ME3: variants seen among roughly 807,000 people sequenced by gnomAD.
The protein encoded by ME3 is NADP-dependent malic enzyme, mitochondrial.
A neutral mutation model predicts 68.9 loss-of-function variants in ME3; 48 were observed. That is an observed-to-expected ratio of 0.70 (90% CI 0.55 to 0.89). The LOEUF is 0.89. Ranked by LOEUF, ME3 falls within the 40% of genes least tolerant of loss-of-function variation. The pLI, the probability that ME3 is intolerant of heterozygous loss-of-function variation, is 0.00. For missense variants in ME3, 675 were observed against 797.4 expected (o/e 0.85, Z 1.85); for synonymous variants, 320 against 318.8 (o/e 1.00, Z -0.04).
intron 2 of ME3, among the ~76,000 whole-genome samples, chr11:86,604,380 G>A (rs531433220): frequency 6.6e-6 from 1 of 152,172 alleles, no homozygotes; most frequent in South Asian, 2.1e-4. Context: ...TCAGATGGTT[G>A]TGGGGTGAGG....
At chr11:86,504,987 AG>A (rs753101250) in intron 5 of ME3, among the ~76,000 whole-genome samples, 75 of 152,214 alleles carry the variant, frequency 4.9e-4, no homozygotes, top group Admixed American at 9.8e-4. Context: ...CACCATGCAC[AG>A]TCTCACTCCT....
intron 8 of ME3, among the ~76,000 whole-genome samples, chr11:86,460,488 A>G (rs950336745): frequency 5.9e-5 from 9 of 152,138 alleles, no homozygotes; most frequent in Non-Finnish European, 1.3e-4. Flanking sequence ...ATTGAATTCT[A>G]TCTATCCACT....
chr11:86,579,066 C>G (rs1262983690), intron 2 of ME3, among the ~76,000 whole-genome samples: 3 of 152,044 alleles, frequency 2.0e-5, no homozygotes, highest in Non-Finnish European at 2.9e-5. Flanking sequence ...ATTCATTTAA[C>G]AAGTATGTTT....
chr11:86,638,296 G>A (rs1944467809), intron 2 of ME3, among the ~76,000 whole-genome samples: 1 of 152,160 alleles, frequency 6.6e-6, no homozygotes, highest in Admixed American at 6.5e-5. Flanking sequence ...TACACACACA[G>A]CACATCCAGG....
intron 4 of ME3, among the ~76,000 whole-genome samples, chr11:86,518,987 G>A (rs576221476): frequency 2.6e-5 from 4 of 152,316 alleles, no homozygotes; most frequent in Admixed American, 2.6e-4. Context: ...GTCAGAGGGA[G>A]CACGACCTGC....
At chr11:86,659,950 C>T (rs1202497177) in intron 2 of ME3, among the ~76,000 whole-genome samples, 1 of 151,990 alleles carries the variant, frequency 6.6e-6, no homozygotes, top group Non-Finnish European at 1.5e-5. Flanking sequence ...TTAGAATATA[C>T]CAAAATGTTG....
At chr11:86,466,423 A>C (rs1950484314) in intron 7 of ME3, among the ~76,000 whole-genome samples, 1 of 152,220 alleles carries the variant, frequency 6.6e-6, no homozygotes. Flanking sequence ...GTGTCAGGGC[A>C]TGTAACAGGT....
intron 6 of ME3, among the ~76,000 whole-genome samples, chr11:86,495,410 C>T (rs1427588649): frequency 6.6e-6 from 1 of 152,166 alleles, no homozygotes; most frequent in African/African-American, 2.4e-5. Context: ...ACAAAGGATC[C>T]CAATGCACCA....
intron 2 of ME3, among the ~76,000 whole-genome samples, chr11:86,573,428 CTTT>C (rs33973657): frequency 7.0e-6 from 1 of 142,970 alleles, no homozygotes. Flanking sequence ...ACATTTTAGT[CTTT>C]TTTTTTTTTT....
intron 2 of ME3, among the ~76,000 whole-genome samples, chr11:86,561,606 A>C (rs935070648): frequency 6.6e-6 from 1 of 152,072 alleles, no homozygotes; most frequent in African/African-American, 2.4e-5. Context: ...GTGAATTCCC[A>C]CTCCAACAAT....
At chr11:86,544,628 T>C (rs549326342) in intron 4 of ME3, among the ~76,000 whole-genome samples, 25 of 152,250 alleles carry the variant, frequency 1.6e-4, no homozygotes, top group Admixed American at 3.3e-4. Context: ...AATCCCTAAA[T>C]AGACCAATAA....
intron 2 of ME3, among the ~76,000 whole-genome samples, chr11:86,653,750 C>A (rs187260723): frequency 5.5e-4 from 83 of 152,254 alleles, no homozygotes; most frequent in African/African-American, 1.8e-3. Flanking sequence ...AAGATCAGAG[C>A]TGAACTGAAG....
chr11:86,632,437 C>T lies in ME3; in HGVS notation c.183+39325G>A, dbSNP rs191733682. On this transcript the variant is annotated intron_variant, in intron 2 of 14. Coordinates refer to ENST00000543262, the Ensembl canonical transcript of ME3. ...CTGCTTCTGCCTGTTCCTCACACTA[C>T]AGCCAAGAAGTTGTATTCTTTTACT... is the stretch of plus-strand genomic sequence containing the variant. Among the ~76,000 whole-genome samples the T allele has an allele frequency of 2.9e-3, 445 of 152,304 alleles. 2 individuals are homozygous for T. The highest frequency in any genetic ancestry group is 0.01 in the African/African-American group (435 of 41,570).
chr11:86,598,532 A>T (rs547649462), intron 2 of ME3, among the ~76,000 whole-genome samples: 9 of 152,302 alleles, frequency 5.9e-5, no homozygotes, highest in African/African-American at 2.2e-4. Context: ...GGCACAGACA[A>T]ACAAAAAGAC....
intron 2 of ME3, among the ~76,000 whole-genome samples, chr11:86,611,474 A>T (rs1468723871): frequency 6.6e-6 from 1 of 152,072 alleles, no homozygotes; most frequent in African/African-American, 2.4e-5. Flanking sequence ...ATGTGAGGTG[A>T]TAGATATGTT....
At chr11:86,435,703 G>C in the ME3 span, 12 of 152,364 alleles carry the variant, frequency 7.9e-5, no homozygotes, top group African/African-American at 2.4e-4. Context: ...GAACATCTAT[G>C]GGGGAGCAAG....
intron 2 of ME3, among the ~76,000 whole-genome samples, chr11:86,598,083 C>G (rs113776424): frequency 1.3e-5 from 2 of 152,172 alleles, no homozygotes; most frequent in African/African-American, 4.8e-5. Flanking sequence ...CTAGGGAGTG[C>G]CAGACAGTGG....
intron 2 of ME3, among the ~76,000 whole-genome samples, chr11:86,560,748 G>GTGTATGTGTATATA (rs1243025217): frequency 2.9e-4 from 18 of 62,522 alleles, no homozygotes; most frequent in Admixed American, 8.3e-4. Context: ...GTGTGTGTGT[G>GTGTATGTGTATATA]TATATATATA....
intron 2 of ME3, among the ~76,000 whole-genome samples, chr11:86,577,811 A>C (rs1356572962): frequency 6.6e-6 from 1 of 152,242 alleles, no homozygotes. Context: ...CATATGGCTT[A>C]CGTCATTTGA....
Sources: gnomAD v4.1 joint callset for allele counts (sites outside exome capture counted in the v4.1 genomes callset) on GRCh38, gnomAD v4.1.1 for gene constraint, MANE v1.5 for transcripts, NCBI Gene and HGNC (gene_info 2026-07-23, HGNC 2026-07-21) for gene names.